DMD: variants seen among roughly 807,000 people sequenced by gnomAD.
DMD encodes mutant dystrophin.
DMD carries 63 observed loss-of-function variants against 330.1 expected under a neutral mutation model. The observed-to-expected ratio is 0.19, with a 90% CI of 0.16 to 0.24. The LOEUF is 0.24. Ranked by LOEUF, DMD falls within the 10% of genes least tolerant of loss-of-function variation. The pLI, the probability that DMD is intolerant of heterozygous loss-of-function variation, is 1.00. For missense variants in DMD, 3,344 were observed against 2,684.1 expected (o/e 1.25, Z -5.43); for synonymous variants, 1,223 against 959.8 (o/e 1.27, Z -5.07).
intron 43 of DMD, among the ~76,000 whole-genome samples, chrX:32,260,147 G>C (rs942742144): frequency 9.0e-6 from 1 of 111,165 alleles, no homozygotes; most frequent in Non-Finnish European, 1.9e-5. Context: ...AAGTGGGAAA[G>C]TGTAGGAAGT....
rs1010930573 is a variant in DMD at position 31,475,485 on chromosome X, ATG to A, written c.8937+2619_8937+2620del. On this transcript the variant is annotated intron_variant, in intron 59 of 78. Transcript: ENST00000357033. Reference sequence around the variant, plus strand: ...AAGTATGGCTAAAAATGAATCCCTTATGTCTGCTCTACAGCCTATCTATTGAG... The same window carrying A: ...AAGTATGGCTAAAAATGAATCCCTTATCTGCTCTACAGCCTATCTATTGAG... Among the ~76,000 whole-genome samples, 6 of 112,212 alleles carry A rather than the reference ATG, an allele frequency of 5.3e-5. 1 individual carries two copies. The highest frequency in any genetic ancestry group is 1.9e-4 in the African/African-American group (6 of 30,920).
intron 1 of DMD, among the ~76,000 whole-genome samples, chrX:33,245,088 T>G (rs1259834493): frequency 9.0e-6 from 1 of 111,720 alleles, no homozygotes; most frequent in African/African-American, 3.2e-5. Context: ...TTAATCCATA[T>G]TTTTAAACAT....
At chrX:32,706,984 C>T (rs567151082) in intron 7 of DMD, among the ~76,000 whole-genome samples, 1 of 109,987 alleles carries the variant, frequency 9.1e-6, no homozygotes, top group South Asian at 4.0e-4. Flanking sequence ...CCCACCTACT[C>T]GGGAGGCTGA....
At chrX:32,832,948 A>T (rs1411078036) in intron 4 of DMD, among the ~76,000 whole-genome samples, 1 of 111,328 alleles carries the variant, frequency 9.0e-6, no homozygotes. Flanking sequence ...TTTACATTAG[A>T]TAATTTTTGA....
At chrX:31,210,971 T>C (rs2044608180) in intron 64 of DMD, among the ~76,000 whole-genome samples, 2 of 111,207 alleles carry the variant, frequency 1.8e-5, no homozygotes, top group African/African-American at 6.5e-5. Context: ...GAAACAGACA[T>C]GGTGGTGGAA....
chrX:32,587,190 T>G (rs1056363718), intron 13 of DMD, among the ~76,000 whole-genome samples: 19 of 112,052 alleles, frequency 1.7e-4, no homozygotes, highest in African/African-American at 5.5e-4. Context: ...GACTTTATCG[T>G]CTTTCTGAAC....
At chrX:32,350,855 T>C (rs1211136876) in intron 37 of DMD, among the ~76,000 whole-genome samples, 1 of 110,890 alleles carries the variant, frequency 9.0e-6, no homozygotes, top group Non-Finnish European at 1.9e-5. Context: ...AGACCTTTTT[T>C]TGCAGGCCAT....
At chrX:33,017,509 TTC>T (rs1017319255) in intron 2 of DMD, among the ~76,000 whole-genome samples, 1 of 111,318 alleles carries the variant, frequency 9.0e-6, no homozygotes, top group African/African-American at 3.3e-5. Context: ...ATTCTCTTTT[TTC>T]TCTTTTTAAA....
chrX:32,594,086 T>C (rs1569270732), intron 13 of DMD, among the ~76,000 whole-genome samples: 1 of 112,758 alleles, frequency 8.9e-6, no homozygotes. Context: ...ACTCTAAAGG[T>C]ATTTTAAAGT....
At chrX:33,008,179 G>A (rs186813597) in intron 2 of DMD, among the ~76,000 whole-genome samples, 31 of 111,273 alleles carry the variant, frequency 2.8e-4, no homozygotes, top group Non-Finnish European at 4.2e-4. Context: ...ATATAGAACT[G>A]GCATAGTGAA....
intron 1 of DMD, among the ~76,000 whole-genome samples, chrX:33,226,773 A>G (rs978293852): frequency 2.7e-5 from 3 of 110,223 alleles, no homozygotes; most frequent in Non-Finnish European, 5.7e-5. Flanking sequence ...ACTGCATGTG[A>G]ATTTACAGTT....
Position 31,478,281 on chromosome X carries a change from T to C in DMD, c.8762A>G (p.His2921Arg), listed in dbSNP as rs1800279. The change falls in exon 59 of 79, where the codon CAC becomes CGC. Residue 2921 changes from histidine (H) to arginine (R), a missense_variant. His to Arg is a conservative substitution (Grantham distance 29, BLOSUM62 0). Coordinates refer to ENST00000357033, the MANE Select transcript of DMD (RefSeq NM_004006.3). ...TATTTTTCTCTGCCAGTCAGCGGAG[T>C]GCAGGTTCAATTTTTCCCACTCAGT... ...VNTEWEKLNL[H>R]SADWQRKIDE... 34,155 of 1,209,039 alleles carry C rather than the reference T, an allele frequency of 0.028. 345 individuals are homozygous for C. The highest frequency in any genetic ancestry group is 0.041 in the Middle Eastern group (177 of 4,351).
chrX:33,048,683 G>C (rs1169062278), intron 1 of DMD, among the ~76,000 whole-genome samples: 1 of 64,994 alleles, frequency 1.5e-5, no homozygotes, highest in Admixed American at 2.4e-4. Context: ...GACAGAGCGA[G>C]ACTCCCCATC....
intron 7 of DMD, among the ~76,000 whole-genome samples, chrX:32,760,432 A>T (rs1348731355): frequency 8.9e-6 from 1 of 111,967 alleles, no homozygotes; most frequent in Non-Finnish European, 1.9e-5. Flanking sequence ...CACAGAGAAT[A>T]AATTTTCCAT....
chrX:32,637,033 G>A (rs2059150537), intron 11 of DMD, among the ~76,000 whole-genome samples: 1 of 110,938 alleles, frequency 9.0e-6, no homozygotes, highest in Non-Finnish European at 1.9e-5. Flanking sequence ...AGATTCTTGT[G>A]GCAAATACAT....
At chrX:32,873,521 GATTA>G (rs1476216714) in intron 2 of DMD, among the ~76,000 whole-genome samples, 1 of 111,187 alleles carries the variant, frequency 9.0e-6, no homozygotes, top group African/African-American at 3.3e-5. Flanking sequence ...CTTTACCACT[GATTA>G]AGTAGCCATG....
At chrX:31,876,674 C>T (rs1325867213) in intron 47 of DMD, among the ~76,000 whole-genome samples, 1 of 106,338 alleles carries the variant, frequency 9.4e-6, no homozygotes, top group Non-Finnish European at 1.9e-5. Context: ...AACATAGCAA[C>T]ACTCCCATCT....
intron 67 of DMD, among the ~76,000 whole-genome samples, chrX:31,190,561 G>A (rs1056450060): frequency 2.4e-5 from 2 of 84,919 alleles, no homozygotes; most frequent in African/African-American, 4.5e-5. Context: ...TATCTTTTAC[G>A]GGAGACATTT....
At chrX:32,394,916 C>CAAACCAAAAACAAAAAAAAAAA (rs2098030184) in intron 30 of DMD, among the ~76,000 whole-genome samples, 1 of 39,034 alleles carries the variant, frequency 2.6e-5, no homozygotes, top group African/African-American at 7.9e-5. Context: ...AACAAAAAAA[C>CAAACCAAAAACAAAAAAAAAAA]AAAAAAAAAA....
Sources: allele counts gnomAD v4.1 joint callset (sites outside exome capture counted in the v4.1 genomes callset), GRCh38; gene constraint gnomAD v4.1.1; transcripts MANE v1.5; gene names NCBI Gene and HGNC (gene_info 2026-07-23, HGNC 2026-07-21).